Variants in MZT2A observed in about 807,000 individuals in gnomAD.
The protein encoded by MZT2A is mitotic spindle organizing protein 2A.
Under a neutral mutation model 12.4 loss-of-function variants are expected in MZT2A, and 8 were observed. That is an observed-to-expected ratio of 0.64 (90% confidence interval 0.38 to 1.16). The LOEUF (loss-of-function observed/expected upper bound fraction) is 1.16. Among genes scored for constraint, MZT2A ranks in the 50% most tolerant of loss-of-function variants. The pLI is 0.01. For missense variants in MZT2A, 181 were observed against 223.6 expected, an observed-to-expected ratio of 0.81 and a Z score of 1.22; for synonymous variants, 88 against 107.5, an observed-to-expected ratio of 0.82 and a Z score of 1.12.
At chr2:131,490,454 A>G (rs1679245127) in intron 2 of MZT2A, 2 of 1,351,528 alleles carry the variant, frequency 1.5e-6, no homozygotes, top group East Asian at 5.9e-5. Context: ...CTTTACACTC[A>G]CCACTAGTTC....
At chr2:131,493,034 C>T (rs1360908550), upstream of MZT2A, 2 of 1,485,628 alleles carry the variant, frequency 1.3e-6, no homozygotes, top group African/African-American at 2.8e-5. Flanking sequence ...GCTTTTCCCG[C>T]CCGGCCGCGG....
At chr2:131,485,513 G>A (rs719314) in intron 2 of MZT2A, among the ~76,000 whole-genome samples, 22 of 152,236 alleles carry the variant, frequency 1.4e-4, no homozygotes, top group Admixed American at 2.0e-4. Context: ...GTGAGGGCAC[G>A]CTGCAGCCCC....
At chr2:131,470,053 C>G (rs1704951924) in intron 4 of MZT2A, 1 of 349,600 alleles carries the variant, frequency 2.9e-6, no homozygotes, top group Non-Finnish European at 5.8e-6. Flanking sequence ...ATCCACCCGC[C>G]TCGACCTCCC....
rs1573855005 is a variant in MZT2A at position 131,476,099 on chromosome 2, G to A, written c.279-3917C>T. The A allele has an allele frequency of 1.4e-5, 22 of 1,569,108 alleles. 1 individual carries two copies. In the East Asian group the frequency reaches 5.0e-4, roughly 36 times the overall value. On this transcript the variant is annotated intron_variant and NMD_transcript_variant, in intron 2 of 4. Coordinates refer to the MZT2A transcript ENST00000427024. ...GGCCTGGCACCGGCGGGCCAATCCCGTGCGGCGCGCACAGGCAGGAGGTTG... is the reference window on the plus strand; with the variant it reads ...GGCCTGGCACCGGCGGGCCAATCCCATGCGGCGCGCACAGGCAGGAGGTTG...
upstream of MZT2A, chr2:131,492,398 G>C (rs777801945): frequency 1.1e-5 from 14 of 1,254,590 alleles, no homozygotes; most frequent in Non-Finnish European, 1.4e-5. Flanking sequence ...GCCGAAAGGT[G>C]CGCCCCGCCC....
rs773905764 is a variant in MZT2A at position 131,484,121 on chromosome 2, G to A, written c.417C>T (p.Ser139=). Reference sequence around the variant, plus strand: ...CGCCCCCCTTGGGCAGCCTGGTAGCGCTGGGCTGGCGTGGCATCCTCTGGC... The same window carrying A: ...CGCCCCCCTTGGGCAGCCTGGTAGCACTGGGCTGGCGTGGCATCCTCTGGC... ...GSSQRMPRQP[S]ATRLPKGGGP... The change falls in exon 3 of 3, where the codon AGC becomes AGT. Residue 139 remains serine (S), a synonymous_variant. Transcript: ENST00000309451. 15 of 1,613,912 alleles carry A rather than the reference G, an allele frequency of 9.3e-6. No homozygotes were observed. Among genetic ancestry groups the A allele is most frequent in the Middle Eastern group, 1.6e-4 (1 of 6,076 alleles).
chr2:131,492,939 G>A (rs1679409557), upstream of MZT2A: 3 of 1,523,618 alleles, frequency 2.0e-6, no homozygotes, highest in South Asian at 2.4e-5. Flanking sequence ...CTCCTGCCTC[G>A]CCATTTCCCC....
chr2:131,492,893 G>C (rs1447263102), upstream of MZT2A: 32 of 1,509,044 alleles, frequency 2.1e-5, no homozygotes. Flanking sequence ...CCACAACGCA[G>C]GCGCATTCAG....
chr2:131,483,041 G>GT, downstream of MZT2A: 2 of 965,334 alleles, frequency 2.1e-6, no homozygotes, highest in Non-Finnish European at 3.0e-6. Context: ...CTGGTGTGGG[G>GT]TTGGGTGCAG....
At chr2:131,479,698 G>C (rs369749280), downstream of MZT2A, among the ~76,000 whole-genome samples, 4 of 152,040 alleles carry the variant, frequency 2.6e-5, no homozygotes, top group Non-Finnish European at 5.9e-5. Flanking sequence ...AAATTAGCTG[G>C]GTGTGGGGGC....
chr2:131,479,244 G>C (rs1009218048), downstream of MZT2A: 1 of 1,578,964 alleles, frequency 6.3e-7, no homozygotes, highest in Non-Finnish European at 8.6e-7. Context: ...AACACTCCTG[G>C]AATGTGTCCA....
chr2:131,471,199 G>T lies in MZT2A; in HGVS notation c.394-856C>A, dbSNP rs144752190. 7.2e-3 allele frequency among the ~76,000 whole-genome samples: 1,012 copies of T among 139,988 alleles called. 267 individuals are homozygous for T. Among genetic ancestry groups the T allele is most frequent in the African/African-American group, 0.032 (969 of 29,908 alleles). 91.8% of individuals were successfully genotyped at this position (139,988 alleles called of 152,430 possible). A position where few individuals can be genotyped will look rare whatever the true frequency, so the allele number is the denominator to read the frequency against. ...GGTCCAGCTCAGAGTCACTGTGACT[G>T]TGTCAAGCAATGAGACGCTGCCCAG... On this transcript the variant is annotated intron_variant and NMD_transcript_variant, in intron 3 of 4. Transcript: ENST00000427024.
chr2:131,492,997 G>C (rs116838469), upstream of MZT2A: 17,836 of 1,514,706 alleles, frequency 0.012, 1,757 homozygotes, highest in African/African-American at 0.21. Flanking sequence ...CGTACCTTTT[G>C]AGGTAACGGC....
rs1679355814 is a variant in MZT2A, at chr2:131,492,253, C to T, written c.124G>A (p.Glu42Lys). 2.5e-6 allele frequency: 4 copies of T among 1,585,554 alleles called. No homozygotes were observed. The Admixed American group carries it at 6.9e-5, about 27-fold the overall frequency. ...CCGCCGCCCGCCGCCTGAGCCAGCTCGTACAGCTCCATCTCCTCGGTGCTC... is the reference window on the plus strand; with the variant it reads ...CCGCCGCCCGCCGCCTGAGCCAGCTTGTACAGCTCCATCTCCTCGGTGCTC... The part of the protein sequence containing the change: ...VLSTEEMELY[E>K]LAQAAGGGID... The change falls in exon 1 of 3, where the codon GAG (glutamate) becomes AAG (lysine). Residue 42 changes from glutamate (E) to lysine (K), a missense_variant. By Grantham distance (56) the Glu-to-Lys change is moderately conservative. Transcript: ENST00000309451.
At chr2:131,474,510 A>G (rs1332868742) in intron 2 of MZT2A, among the ~76,000 whole-genome samples, 1 of 150,308 alleles carries the variant, frequency 6.7e-6, no homozygotes, top group Non-Finnish European at 1.5e-5. Context: ...CCCGGGTTCA[A>G]GTGATTATCC....
chr2:131,486,755 G>C (rs6732933), intron 2 of MZT2A, among the ~76,000 whole-genome samples: 16,925 of 151,938 alleles, frequency 0.11, 3,159 homozygotes, highest in African/African-American at 0.39. Flanking sequence ...CCTCGATGTA[G>C]CTGGGACTAC....
intron 2 of MZT2A, chr2:131,491,191 G>A (rs758320018): frequency 8.4e-6 from 4 of 476,332 alleles, no homozygotes; most frequent in Non-Finnish European, 1.5e-5. Context: ...AGGGACGGAG[G>A]CTCCACCATG....
chr2:131,492,762 A>G (rs1010065756), upstream of MZT2A: 1 of 926,634 alleles, frequency 1.1e-6, no homozygotes, highest in African/African-American at 2.1e-5. Context: ...GCACCGGTGC[A>G]CCACTAGGGG....
At chr2:131,470,549 T>C (rs1704961647) in intron 3 of MZT2A, among the ~76,000 whole-genome samples, 1 of 152,130 alleles carries the variant, frequency 6.6e-6, no homozygotes, top group South Asian at 2.1e-4. Context: ...CCACCTGGGC[T>C]CAGGTGCTGA....
Sources: gnomAD v4.1 joint callset for allele counts (sites outside exome capture counted in the v4.1 genomes callset) on GRCh38, gnomAD v4.1.1 for gene constraint, MANE v1.5 for transcripts, NCBI Gene and HGNC (gene_info 2026-07-23, HGNC 2026-07-21) for gene names.